CLYBL: variants seen among roughly 807,000 people sequenced by gnomAD.
CLYBL encodes the protein citramalyl-CoA lyase.
CLYBL carries 31 observed loss-of-function variants against 38.9 expected under a neutral mutation model. That is an observed-to-expected ratio of 0.80 (90% CI 0.60 to 1.08). CLYBL has a LOEUF of 1.08. Among genes scored for constraint, CLYBL ranks in the 50% least tolerant of loss-of-function variants. The pLI is 0.00. For synonymous variants in CLYBL, 171 were observed against 158.6 expected (o/e 1.08, Z -0.59); for missense variants, 434 against 411.6 (o/e 1.05, Z -0.47).
In CLYBL at chr13:99,716,391, T is replaced by TTTTC. The variant is rs1485003411; in HGVS notation, c.63-56429_63-56426dup. On this transcript the variant is annotated intron_variant, in intron 1 of 8. Coordinates refer to ENST00000339105, the MANE Select transcript of CLYBL (RefSeq NM_206808.5). ...CTGGCCTATATTTTTCTTTCTTTTC[T>TTTTC]TTTCTTTTTTTTTTTTTTAATAGAG... 2.6e-3 allele frequency among the ~76,000 whole-genome samples: 380 copies of TTTTC among 146,120 alleles called. 1 individual carries two copies. The highest frequency in any genetic ancestry group is 9.1e-3 in the African/African-American group (352 of 38,598).
At chr13:99,846,298 TTTTTTTTTTTTGAGACGGGG>T in intron 2 of CLYBL, among the ~76,000 whole-genome samples, 1 of 149,778 alleles carries the variant, frequency 6.7e-6, no homozygotes, top group South Asian at 2.2e-4. Flanking sequence ...TTTTTTTTTT[TTTTTTTTTTTTGAGACGGGG>T]TCTTACTCTG....
At chr13:99,884,957 A>C (rs775329827) in intron 7 of CLYBL, 1 of 473,110 alleles carries the variant, frequency 2.1e-6, no homozygotes, top group Non-Finnish European at 4.4e-6. Context: ...CAACTACCGA[A>C]CTTGTGTCCT....
intron 2 of CLYBL, among the ~76,000 whole-genome samples, chr13:99,785,875 C>T (rs991178877): frequency 6.6e-6 from 1 of 152,162 alleles, no homozygotes; most frequent in African/African-American, 2.4e-5. Context: ...GGATTACAGG[C>T]GTGAGCCACT....
In CLYBL at chr13:99,854,249, C is replaced by G. The variant is rs538119273; in HGVS notation, c.250-4612C>G. Among the ~76,000 whole-genome samples, 2 of 151,942 alleles carry G rather than the reference C, an allele frequency of 1.3e-5. 1 individual carries two copies. The highest frequency in any genetic ancestry group is 4.2e-4 in the South Asian group (2 of 4,790). On this transcript the variant is annotated intron_variant, in intron 2 of 8. Coordinates refer to ENST00000339105, the MANE Select transcript of CLYBL (RefSeq NM_206808.5). Reference sequence around the variant, plus strand: ...ATACATTAACATTCAAGGTTTGAGTCGGGGGCTGGGAGGCGAAGGGAAAGG... The same window carrying G: ...ATACATTAACATTCAAGGTTTGAGTGGGGGGCTGGGAGGCGAAGGGAAAGG...
intron 1 of CLYBL, among the ~76,000 whole-genome samples, chr13:99,647,466 G>C (rs1336461625): frequency 1.3e-5 from 2 of 150,890 alleles, no homozygotes; most frequent in Non-Finnish European, 2.9e-5. Flanking sequence ...ATAGTGGGAA[G>C]AACTTATTTC....
intron 7 of CLYBL, among the ~76,000 whole-genome samples, chr13:99,886,511 G>A (rs74113454): frequency 0.051 from 7,777 of 152,316 alleles, 611 homozygotes; most frequent in African/African-American, 0.17. Flanking sequence ...GGTGATACTG[G>A]CCTTCACCTC....
intron 1 of CLYBL, among the ~76,000 whole-genome samples, chr13:99,633,570 G>GA (rs1383268437): frequency 6.6e-6 from 1 of 151,582 alleles, no homozygotes; most frequent in Non-Finnish European, 1.5e-5. Flanking sequence ...AAAAAGAGCT[G>GA]AAAGGTTAGT....
At chr13:99,706,352 T>C (rs1288322134) in intron 1 of CLYBL, among the ~76,000 whole-genome samples, 4 of 152,198 alleles carry the variant, frequency 2.6e-5, no homozygotes, top group Non-Finnish European at 5.9e-5. Context: ...GCACCAAGCT[T>C]CTTTGTAAAT....
chr13:99,889,234 T>C (rs545707713), intron 7 of CLYBL, among the ~76,000 whole-genome samples: 6 of 152,346 alleles, frequency 3.9e-5, no homozygotes, highest in African/African-American at 1.4e-4. Flanking sequence ...TATGCTAATT[T>C]CGTCTCCCCA....
intron 1 of CLYBL, among the ~76,000 whole-genome samples, chr13:99,614,642 C>T (rs373518588): frequency 6.6e-6 from 1 of 152,126 alleles, no homozygotes; most frequent in South Asian, 2.1e-4. Context: ...TGGCCTCTGG[C>T]TCTGTTGCAG....
Position 99,736,843 on chromosome 13 carries a change from C to A in CLYBL, c.63-35981C>A, listed in dbSNP as rs759458274. Reference sequence around the variant, plus strand: ...TTTTTTGTCTGTTGCCTTCGCTGGACCTCAACTTCCCCCAAGGCTGAATTT... The same window carrying A: ...TTTTTTGTCTGTTGCCTTCGCTGGAACTCAACTTCCCCCAAGGCTGAATTT... On this transcript the variant is annotated intron_variant, in intron 1 of 8. Transcript: ENST00000339105. Among the ~76,000 whole-genome samples the A allele has an allele frequency of 5.3e-5, 8 of 152,156 alleles. 1 individual carries two copies. Among genetic ancestry groups the A allele is most frequent in the Non-Finnish European group, 8.8e-5 (6 of 68,014 alleles).
chr13:99,695,889 G>A (rs186616985), intron 1 of CLYBL, among the ~76,000 whole-genome samples: 1 of 152,184 alleles, frequency 6.6e-6, no homozygotes, highest in Non-Finnish European at 1.5e-5. Flanking sequence ...GAGGGAGAAG[G>A]TCAGAGGGTG....
intron 1 of CLYBL, among the ~76,000 whole-genome samples, chr13:99,635,309 C>T (rs1193148296): frequency 6.6e-6 from 1 of 152,054 alleles, no homozygotes; most frequent in Non-Finnish European, 1.5e-5. Flanking sequence ...CACCACGCCC[C>T]CCACACCCCC....
intron 7 of CLYBL, among the ~76,000 whole-genome samples, chr13:99,888,942 A>G (rs908481978): frequency 3.3e-5 from 5 of 152,214 alleles, no homozygotes; most frequent in Admixed American, 2.0e-4. Flanking sequence ...GCCTGGGGAT[A>G]TTCACGCTAG....
chr13:99,614,789 C>T (rs1021988416), intron 1 of CLYBL, among the ~76,000 whole-genome samples: 2 of 152,040 alleles, frequency 1.3e-5, no homozygotes, highest in Non-Finnish European at 2.9e-5. Flanking sequence ...GAGGCCGGGA[C>T]CTGAAGATCA....
chr13:99,743,811 G>A (rs2048798446), intron 1 of CLYBL, among the ~76,000 whole-genome samples: 1 of 152,058 alleles, frequency 6.6e-6, no homozygotes, highest in African/African-American at 2.4e-5. Flanking sequence ...GTAATAAATT[G>A]TAATTACAAT....
At chr13:99,690,980 C>G (rs1388720270) in intron 1 of CLYBL, 2 of 152,202 alleles carry the variant, frequency 1.3e-5, no homozygotes, top group Non-Finnish European at 2.9e-5. Context: ...TTAGAGGCAG[C>G]AGGGTGGTAG....
intron 2 of CLYBL, among the ~76,000 whole-genome samples, chr13:99,824,943 C>G (rs954423929): frequency 1.4e-5 from 2 of 145,180 alleles, no homozygotes. Context: ...CTTCTCACCC[C>G]CTGCCCCCCA....
At chr13:99,860,422 T>C (rs2051572915) in intron 3 of CLYBL, among the ~76,000 whole-genome samples, 1 of 152,152 alleles carries the variant, frequency 6.6e-6, no homozygotes, top group Admixed American at 6.5e-5. Flanking sequence ...AAGGACCAGT[T>C]ATTTATTGAC....
Sources: allele counts gnomAD v4.1 joint callset (sites outside exome capture counted in the v4.1 genomes callset), GRCh38; gene constraint gnomAD v4.1.1; transcripts MANE v1.5; gene names NCBI Gene and HGNC (gene_info 2026-07-23, HGNC 2026-07-21).